The following MAP7 variants were observed in gnomAD, a reference collection of about 807,000 sequenced individuals.
MAP7 encodes the protein ensconsin.
Under a neutral mutation model 94.8 loss-of-function variants are expected in MAP7, and 52 were observed. That is an observed-to-expected ratio of 0.55 (90% CI 0.44 to 0.69). The LOEUF (loss-of-function observed/expected upper bound fraction) is 0.69. Ranked by LOEUF, MAP7 falls within the 30% of genes least tolerant of loss-of-function variation. The pLI is 0.00. For missense variants in MAP7, 940 were observed against 964.6 expected (o/e 0.97, Z 0.34); for synonymous variants, 350 against 357.0 (o/e 0.98, Z 0.22).
chr6:136,446,971 C>T (rs765026361), intron 1 of MAP7, among the ~76,000 whole-genome samples: 1 of 152,110 alleles, frequency 6.6e-6, no homozygotes, highest in Non-Finnish European at 1.5e-5. Context: ...AAAACATCTC[C>T]CCCACAAACA....
At chr6:136,368,386 G>A (rs1794863215) in intron 8 of MAP7, among the ~76,000 whole-genome samples, 1 of 152,062 alleles carries the variant, frequency 6.6e-6, no homozygotes, top group East Asian at 1.9e-4. Flanking sequence ...CACATACTCA[G>A]CAAGTCAATG....
intron 3 of MAP7, among the ~76,000 whole-genome samples, chr6:136,400,877 C>T (rs1490600358): frequency 6.6e-6 from 1 of 152,192 alleles, no homozygotes; most frequent in African/African-American, 2.4e-5. Flanking sequence ...TCATTATCTG[C>T]ACATTCTTCC....
chr6:136,488,879 C>A (rs1302708871), intron 1 of MAP7, among the ~76,000 whole-genome samples: 1 of 152,060 alleles, frequency 6.6e-6, no homozygotes, highest in Non-Finnish European at 1.5e-5. Context: ...CAATGCTTAC[C>A]CTCACCATCC....
chr6:136,448,459 G>A (rs1428319662), intron 1 of MAP7, among the ~76,000 whole-genome samples: 8 of 150,542 alleles, frequency 5.3e-5, no homozygotes. Flanking sequence ...TTATCGTCCA[G>A]GCTGGAGTGC....
intron 16 of MAP7, among the ~76,000 whole-genome samples, chr6:136,356,238 C>T (rs1790887093): frequency 6.6e-6 from 1 of 152,204 alleles, no homozygotes; most frequent in Non-Finnish European, 1.5e-5. Context: ...AGGAGTTTGG[C>T]TCACTGCATC....
intron 2 of MAP7, among the ~76,000 whole-genome samples, chr6:136,413,240 A>G (rs891674882): frequency 2.6e-5 from 4 of 152,180 alleles, no homozygotes; most frequent in Non-Finnish European, 5.9e-5. Flanking sequence ...ATAATACAGT[A>G]GAGACAAGCT....
At chr6:136,512,019 C>A (rs1036010034) in intron 1 of MAP7, among the ~76,000 whole-genome samples, 8 of 152,162 alleles carry the variant, frequency 5.3e-5, no homozygotes, top group Non-Finnish European at 1.2e-4. Context: ...ACAAGTCATC[C>A]CTGCATAAAG....
chr6:136,398,174 T>C (rs1024060099), intron 3 of MAP7, among the ~76,000 whole-genome samples: 2 of 152,238 alleles, frequency 1.3e-5, no homozygotes, highest in Admixed American at 1.3e-4. Context: ...AGCAGGGTAC[T>C]GTGGTGGATA....
chr6:136,356,946 A>T (rs1182137586), intron 15 of MAP7, 152 bp from the exon 16 acceptor site: 1 of 615,158 alleles, frequency 1.6e-6, no homozygotes, highest in Non-Finnish European at 2.9e-6. Context: ...TCTGTGCCTT[A>T]GTTTCCTCAT....
chr6:136,347,111 T>G (rs886145614), intron 16 of MAP7, among the ~76,000 whole-genome samples: 1 of 148,160 alleles, frequency 6.7e-6, no homozygotes, highest in African/African-American at 2.5e-5. Context: ...CACTCTCTGT[T>G]ATAGGCTTAT....
chr6:136,514,578 C>T (rs1824215543), intron 1 of MAP7, among the ~76,000 whole-genome samples: 1 of 76,452 alleles, frequency 1.3e-5, no homozygotes, highest in Non-Finnish European at 2.2e-5. Flanking sequence ...AAGACTCTGT[C>T]TCAAAAAAAA....
At chr6:136,545,107 G>T (rs1411013650) in intron 1 of MAP7, 1 of 152,168 alleles carries the variant, frequency 6.6e-6, no homozygotes, top group African/African-American at 2.4e-5. Context: ...GCTAATGACT[G>T]CCTGGATTTC....
rs1425009839 is a variant in MAP7, at chr6:136,550,180, T to C, written c.67+162A>G. On this transcript the variant is annotated intron_variant, in intron 1 of 17. Transcript: ENST00000354570. The surrounding 1 kb of genome is among the most constrained non-coding windows in gnomAD (Gnocchi z 5.1). ...GGCGGCGAAGGGCGGGGGAAGGCGC[T>C]CTCGGAGCAGGGTGCGCGGCGCGCA... 1.3e-5 allele frequency among the ~76,000 whole-genome samples: 2 copies of C among 149,664 alleles called. No homozygotes were observed. The highest frequency in any genetic ancestry group is 4.9e-5 in the African/African-American group (2 of 40,854).
chr6:136,354,731 G>A (rs1000543806), intron 16 of MAP7, among the ~76,000 whole-genome samples: 2 of 151,796 alleles, frequency 1.3e-5, no homozygotes, highest in African/African-American at 2.4e-5. Context: ...AGTTCATTTT[G>A]GTTTCATTAC....
chr6:136,441,941 G>C (rs1455798018), intron 1 of MAP7, among the ~76,000 whole-genome samples: 1 of 152,058 alleles, frequency 6.6e-6, no homozygotes, highest in African/African-American at 2.4e-5. Context: ...GAGCCTGGGA[G>C]GTAGAGGCTG....
At chr6:136,366,526 T>C in intron 8 of MAP7, 87 bp from the exon 9 acceptor site, 3 of 930,822 alleles carry the variant, frequency 3.2e-6, no homozygotes. Context: ...TAGAAACCAT[T>C]GAATGACTTT....
intron 1 of MAP7, among the ~76,000 whole-genome samples, chr6:136,480,420 A>G (rs1812370812): frequency 6.6e-6 from 1 of 152,092 alleles, no homozygotes; most frequent in South Asian, 2.1e-4. Context: ...AGATGGGTGG[A>G]TCATGAGGTC....
chr6:136,440,597 T>A (rs1797551134), intron 1 of MAP7, among the ~76,000 whole-genome samples: 2 of 152,310 alleles, frequency 1.3e-5, no homozygotes, highest in South Asian at 4.1e-4. Flanking sequence ...TTTGTTAAAA[T>A]AGGATTTTTT....
Position 136,511,996 on chromosome 6 carries a change from T to C in MAP7, c.67+38346A>G, listed in dbSNP as rs112818244. Among the ~76,000 whole-genome samples the C allele has an allele frequency of 7.1e-3, 1,081 of 152,320 alleles. 15 individuals are homozygous for C. Among genetic ancestry groups the C allele is most frequent in the African/African-American group, 0.025 (1,033 of 41,560 alleles). The stretch of plus-strand genomic sequence containing the variant: ...CTGCAGACTGTCCAAGCCAATGTCC[T>C]AGCCGAAAACAAACAAGTCATCCCT... On this transcript the variant is annotated intron_variant, in intron 1 of 17. Transcript: ENST00000354570.
Sources: allele counts gnomAD v4.1 joint callset (sites outside exome capture counted in the v4.1 genomes callset), GRCh38; gene constraint gnomAD v4.1.1; non-coding constraint Gnocchi (gnomAD v3.1); transcripts MANE v1.5; gene names NCBI Gene and HGNC (gene_info 2026-07-23, HGNC 2026-07-21).